The following DMD variants were observed in gnomAD, a reference collection of about 807,000 sequenced individuals.
The protein encoded by DMD is dystrophin, also known as mutant dystrophin.
In DMD, 63 loss-of-function variants were observed where a neutral mutation model predicts 330.1. That is an observed-to-expected ratio of 0.19 (90% CI 0.16 to 0.24). The LOEUF is 0.24. Among genes scored for constraint, DMD ranks in the 10% least tolerant of loss-of-function variants. The pLI is 1.00. For missense variants in DMD, 3,344 were observed against 2,684.1 expected (o/e 1.25, Z -5.43); for synonymous variants, 1,223 against 959.8 (o/e 1.27, Z -5.07).
intron 17 of DMD, among the ~76,000 whole-genome samples, chrX:32,539,541 CATTA>C (rs1569158873): frequency 1.9e-4 from 21 of 110,378 alleles, no homozygotes; most frequent in African/African-American, 6.9e-4. Context: ...TTCACGGACA[CATTA>C]ATTATCTAAT....
chrX:31,412,834 CAACTCT>C (rs1016359284), intron 60 of DMD, among the ~76,000 whole-genome samples: 14 of 111,919 alleles, frequency 1.3e-4, no homozygotes, highest in African/African-American at 3.9e-4. Flanking sequence ...CACTTAATAA[CAACTCT>C]AACGTTTACA....
At chrX:32,352,791 G>A (rs1270438245) in intron 37 of DMD, among the ~76,000 whole-genome samples, 1 of 110,712 alleles carries the variant, frequency 9.0e-6, no homozygotes, top group Non-Finnish European at 1.9e-5. Flanking sequence ...TTACGGGAGT[G>A]GGATTGACCT....
chrX:32,750,305 C>G (rs922328905), intron 7 of DMD, among the ~76,000 whole-genome samples: 2 of 111,623 alleles, frequency 1.8e-5, no homozygotes, highest in African/African-American at 6.5e-5. Context: ...AATATAAATA[C>G]ATTTAAAAAT....
At chrX:32,115,072 A>C (rs1352966539) in intron 44 of DMD, among the ~76,000 whole-genome samples, 1 of 111,940 alleles carries the variant, frequency 8.9e-6, no homozygotes, top group African/African-American at 3.2e-5. Flanking sequence ...GGTTTTCTCT[A>C]TAAATCACAG....
At chrX:32,821,493 C>T (rs767607843) in intron 5 of DMD, among the ~76,000 whole-genome samples, 1 of 109,401 alleles carries the variant, frequency 9.1e-6, no homozygotes, top group Non-Finnish European at 1.9e-5. Context: ...GAGGCTGAGG[C>T]AGGAGAATGG....
chrX:31,397,306 G>C (rs1452378723), intron 60 of DMD, among the ~76,000 whole-genome samples: 1 of 111,819 alleles, frequency 8.9e-6, no homozygotes, highest in Non-Finnish European at 1.9e-5. Flanking sequence ...GGATGACTCA[G>C]AATTCCAGAT....
At chrX:32,033,964 T>C (rs1039768871) in intron 44 of DMD, among the ~76,000 whole-genome samples, 5 of 111,759 alleles carry the variant, frequency 4.5e-5, no homozygotes, top group African/African-American at 1.3e-4. Flanking sequence ...TGACAATTTT[T>C]TAAATTCCCA....
chrX:32,317,153 C>A (rs1040413340), intron 41 of DMD, among the ~76,000 whole-genome samples: 3 of 111,132 alleles, frequency 2.7e-5, no homozygotes, highest in Non-Finnish European at 5.7e-5. Flanking sequence ...ACTCATGCAT[C>A]ATTAGCAAGG....
At chrX:32,933,366 A>T in intron 2 of DMD, among the ~76,000 whole-genome samples, 1 of 111,266 alleles carries the variant, frequency 9.0e-6, no homozygotes, top group Non-Finnish European at 1.9e-5. Flanking sequence ...ATTAGATGTG[A>T]AAAAAAATGA....
rs886555094 is a variant in DMD, at chrX:31,945,160, C to G, written c.6615-12933G>C. Reference sequence around the variant, plus strand: ...CTTCAAATGATATACACACTGCTCACTTACAGATTATATTTCACTGAGGCA... The same window carrying G: ...CTTCAAATGATATACACACTGCTCAGTTACAGATTATATTTCACTGAGGCA... On this transcript the variant is annotated intron_variant, in intron 45 of 78. Coordinates refer to ENST00000357033, the MANE Select transcript of DMD (RefSeq NM_004006.3). Among the ~76,000 whole-genome samples the G allele has an allele frequency of 2.7e-5, 3 of 111,793 alleles. No homozygotes were observed. The Admixed American group carries it at 2.8e-4, about 11-fold the overall frequency.
intron 48 of DMD, among the ~76,000 whole-genome samples, chrX:31,846,242 A>G (rs770905902): frequency 9.0e-6 from 1 of 111,279 alleles, no homozygotes; most frequent in African/African-American, 3.3e-5. Flanking sequence ...TTTTATATCC[A>G]ATGTTCTCGG....
intron 44 of DMD, among the ~76,000 whole-genome samples, chrX:32,136,423 T>C (rs1310031664): frequency 8.9e-6 from 1 of 112,707 alleles, no homozygotes; most frequent in Non-Finnish European, 1.9e-5. Context: ...TCCCTTCTTA[T>C]GGTACTTTCA....
chrX:31,853,857 C>T (rs1299755986), intron 48 of DMD, among the ~76,000 whole-genome samples: 1 of 112,008 alleles, frequency 8.9e-6, no homozygotes, highest in Non-Finnish European at 1.9e-5. Flanking sequence ...TTTTGAGGAC[C>T]TTGGAAACTA....
At chrX:33,126,878 A>G (rs756040696) in intron 1 of DMD, among the ~76,000 whole-genome samples, 1 of 111,514 alleles carries the variant, frequency 9.0e-6, no homozygotes, top group East Asian at 2.8e-4. Context: ...GAACTCATAA[A>G]CCATCAACTG....
chrX:31,182,655 T>C (rs1204916338), intron 68 of DMD, 83 bp downstream of exon 68: 1 of 976,420 alleles, frequency 1.0e-6, no homozygotes, highest in Non-Finnish European at 1.5e-6. Context: ...TAACAGCAAC[T>C]GGCACAGGAG....
intron 60 of DMD, among the ~76,000 whole-genome samples, chrX:31,407,770 G>A (rs928877296): frequency 2.7e-5 from 3 of 110,243 alleles, no homozygotes; most frequent in Non-Finnish European, 5.7e-5. Context: ...ATGAGCCACC[G>A]CACCCGATCT....
chrX:31,809,928 T>A (rs770895195), intron 50 of DMD, among the ~76,000 whole-genome samples: 7 of 111,148 alleles, frequency 6.3e-5, no homozygotes, highest in Non-Finnish European at 1.3e-4. Flanking sequence ...ACTCAGGAGA[T>A]GTGGGGTTGG....
chrX:32,447,890 A>G (rs974507675), intron 27 of DMD, among the ~76,000 whole-genome samples: 2 of 111,433 alleles, frequency 1.8e-5, no homozygotes, highest in African/African-American at 6.5e-5. Flanking sequence ...GCCCATCCAT[A>G]AAAGTTAAAG....
At chrX:32,757,358 T>C (rs759891694) in intron 7 of DMD, among the ~76,000 whole-genome samples, 2 of 111,788 alleles carry the variant, frequency 1.8e-5, no homozygotes, top group East Asian at 5.7e-4. Flanking sequence ...TGTTGAGACA[T>C]ACACATTCTA....
Sources: allele counts gnomAD v4.1 joint callset (sites outside exome capture counted in the v4.1 genomes callset), GRCh38; gene constraint gnomAD v4.1.1; transcripts MANE v1.5; gene names NCBI Gene and HGNC (gene_info 2026-07-23, HGNC 2026-07-21).